The following CACNA1I variants were observed in gnomAD, a reference collection of about 807,000 sequenced individuals.
The protein encoded by CACNA1I is voltage-dependent T-type calcium channel subunit alpha-1I.
A neutral mutation model predicts 201.6 loss-of-function variants in CACNA1I; 74 were observed. The observed-to-expected ratio is 0.37, with a 90% CI of 0.30 to 0.45. The LOEUF is 0.45. CACNA1I is among the 20% of genes least tolerant of loss of function. CACNA1I has a pLI of 1.00. For missense variants in CACNA1I, 2,346 were observed against 3,138.1 expected (o/e 0.75, Z 6.03); for synonymous variants, 1,431 against 1,345.2 (o/e 1.06, Z -1.40).
intron 34 of CACNA1I, among the ~76,000 whole-genome samples, chr22:39,681,256 C>T (rs1935695987): frequency 6.6e-6 from 1 of 152,244 alleles, no homozygotes; most frequent in Non-Finnish European, 1.5e-5. Context: ...GCCACAAGCC[C>T]AGCCAGCACT....
At chr22:39,600,701 C>A (rs767684249) in intron 3 of CACNA1I, 48 bp downstream of exon 3, 2 of 1,529,582 alleles carry the variant, frequency 1.3e-6, no homozygotes, top group Non-Finnish European at 1.7e-6. Flanking sequence ...GCACACCAGG[C>A]ATAATTGAGA....
intron 15 of CACNA1I, 115 bp downstream of exon 15, chr22:39,660,552 T>C: frequency 1.6e-6 from 1 of 628,706 alleles, no homozygotes; most frequent in South Asian, 2.3e-5. Context: ...GACTGCTACT[T>C]ATCTATGGTT....
At position 39,641,246 on chromosome 22, in the gene CACNA1I, G is replaced by A. The variant is rs550489371; in HGVS notation, c.1056+64G>A. The A allele has an allele frequency of 8.5e-6, 12 of 1,405,616 alleles. No homozygotes were observed. In the South Asian group the frequency reaches 8.8e-5, roughly 10 times the overall value. The allele number at this position is 1,405,616 out of a possible 1,614,324, so 87.1% of individuals were successfully genotyped here. A position where few individuals can be genotyped will look rare whatever the true frequency, so the allele number is the denominator to read the frequency against. The stretch of plus-strand genomic sequence containing the variant: ...GTGGGCAGCTCTGCCTGGTGGGCAG[G>A]GCTCTGTGCTAGGCATTTGCCAGCC... On this transcript the variant is annotated intron_variant, in intron 6 of 36. Transcript: ENST00000402142.
Position 39,685,977 on chromosome 22 carries a change from G to A in CACNA1I, c.6244G>A (p.Ala2082Thr). The change falls in exon 37 of 37, where the codon GCG (alanine) becomes ACG (threonine). Residue 2082 changes from alanine (A) to threonine (T), a missense_variant. This residue lies in a region of CACNA1I where 441 missense variants were observed against 555.6 expected (regional missense o/e 0.79). Transcript: ENST00000402142. This position sits in a 1 kb window ranked among gnomAD's most constrained non-coding sequence, Gnocchi z 5.0. ...RGLFSLRGLRAHQRSHSSGGS... is the reference protein window; with the variant it reads ...RGLFSLRGLRTHQRSHSSGGS... ...CCTCTTCAGCCTGCGGGGGCTGCGGGCGCATCAGCGCAGCCACAGCAGCGG... is the reference window on the plus strand; with the variant it reads ...CCTCTTCAGCCTGCGGGGGCTGCGGACGCATCAGCGCAGCCACAGCAGCGG... The A allele has an allele frequency of 8.0e-7, 1 of 1,251,826 alleles. No homozygotes were observed. Among genetic ancestry groups the A allele is most frequent in the Non-Finnish European group, 1.0e-6 (1 of 1,004,518 alleles). 77.5% of individuals were successfully genotyped at this position (1,251,826 alleles called of 1,614,324 possible). A position where few individuals can be genotyped will look rare whatever the true frequency, so the allele number is the denominator to read the frequency against.
intron 1 of CACNA1I, among the ~76,000 whole-genome samples, chr22:39,589,322 A>T (rs1932795798): frequency 6.6e-6 from 1 of 152,190 alleles, no homozygotes; most frequent in Admixed American, 6.5e-5. Context: ...GTATGCACCC[A>T]GGAGTGGCCC....
Position 39,664,792 on chromosome 22 carries a change from G to C in CACNA1I, c.3720G>C (p.Trp1240Cys). The C allele has an allele frequency of 1.2e-6, 2 of 1,612,900 alleles. No homozygotes were observed. The highest frequency in any genetic ancestry group is 1.7e-6 in the Non-Finnish European group (2 of 1,179,758). The change falls in exon 21 of 37, where the codon TGG becomes TGC. Residue 1240 changes from tryptophan (W) to cysteine (C), a missense_variant. By Grantham distance (215) the Trp-to-Cys change is radical. Around this residue, in one of 13 missense-constraint regions of CACNA1I, gnomAD observed 158 missense variants for 231.6 expected, o/e 0.68. Transcript: ENST00000402142. ...FGEQAYLRSS[W>C]NVLDGFLVFV... ...AGCAGGCGTACCTACGCAGCAGCTG[G>C]AACGTGCTGGATGGCTTTCTTGTCT...
intron 1 of CACNA1I, among the ~76,000 whole-genome samples, chr22:39,576,024 C>T (rs1318107671): frequency 6.6e-6 from 1 of 152,182 alleles, no homozygotes; most frequent in Non-Finnish European, 1.5e-5. Context: ...ATCTGCCCGC[C>T]TCGGCCTCCC....
Position 39,600,618 on chromosome 22 carries a change from A to G in CACNA1I, c.447A>G (p.Thr149=), listed in dbSNP as rs753045602. The change falls in exon 3 of 37, where the codon ACA becomes ACG. Residue 149 remains threonine (T), a synonymous_variant. Transcript: ENST00000402142. ...IFGKKCYLGD[T]WNRLDFFIVM... Reference sequence around the variant, plus strand: ...GCAAGAAGTGCTACCTCGGGGACACATGGAACCGCCTGGATTTCTTCATCG... The same window carrying G: ...GCAAGAAGTGCTACCTCGGGGACACGTGGAACCGCCTGGATTTCTTCATCG... The G allele has an allele frequency of 1.9e-6, 3 of 1,608,576 alleles. No individual in the cohort carries two copies. Among genetic ancestry groups the G allele is most frequent in the Admixed American group, 3.4e-5 (2 of 59,150 alleles).
At position 39,571,740 on chromosome 22, in the gene CACNA1I, C is replaced by G. The variant is rs1213421924; in HGVS notation, c.236+752C>G. ...TAAAATCCCAGCTTAAGCATCACCTCCTCAGGGAAGCCCTCTGGGATTCCT... is the reference window on the plus strand; with the variant it reads ...TAAAATCCCAGCTTAAGCATCACCTGCTCAGGGAAGCCCTCTGGGATTCCT... On this transcript the variant is annotated intron_variant, in intron 1 of 36. Coordinates refer to ENST00000402142, the MANE Select transcript of CACNA1I (RefSeq NM_021096.4). 2.0e-5 allele frequency among the ~76,000 whole-genome samples: 3 copies of G among 152,376 alleles called. No homozygotes were observed. The East Asian group carries it at 5.8e-4, about 29-fold the overall frequency.
chr22:39,618,279 GTGTGTGTGAC>G (rs368374763), intron 3 of CACNA1I, among the ~76,000 whole-genome samples: 26 of 39,012 alleles, frequency 6.7e-4, no homozygotes, highest in East Asian at 1.3e-3. Context: ...GTGTGTGACT[GTGTGTGTGAC>G]TGTGTGTGCA....
chr22:39,659,312 G>C lies in CACNA1I; in HGVS notation c.2331-121G>C. ...CCTCAGTGTTCATCTCTGTAAAATG[G>C]GACCAACGCTGCCCCGCCTCCCCCT... On this transcript the variant is annotated intron_variant, in intron 12 of 36. Coordinates refer to ENST00000402142, the MANE Select transcript of CACNA1I (RefSeq NM_021096.4). The surrounding 1 kb of genome is among the most constrained non-coding windows in gnomAD (Gnocchi z 4.3). 1 of 928,186 alleles carries C rather than the reference G, an allele frequency of 1.1e-6. No homozygotes were observed. Among genetic ancestry groups the C allele is most frequent in the Non-Finnish European group, 1.7e-6 (1 of 601,226 alleles). The allele number at this position is 928,186 out of a possible 1,614,324, so 57.5% of individuals were successfully genotyped here. A position where few individuals can be genotyped will look rare whatever the true frequency, so the allele number is the denominator to read the frequency against.
chr22:39,581,899 C>G (rs1241594291), intron 1 of CACNA1I, among the ~76,000 whole-genome samples: 1 of 152,202 alleles, frequency 6.6e-6, no homozygotes, highest in African/African-American at 2.4e-5. Context: ...CCTCTTCTTC[C>G]CCAAGTTCAA....
chr22:39,642,714 G>C, intron 6 of CACNA1I, 83 bp from the exon 7 acceptor site: 1 of 870,744 alleles, frequency 1.1e-6, no homozygotes, highest in Non-Finnish European at 1.9e-6. Context: ...GCACACAGTG[G>C]GGCCTCTGTC....
At chr22:39,636,800 C>G (rs866433827) in intron 5 of CACNA1I, among the ~76,000 whole-genome samples, 1 of 152,204 alleles carries the variant, frequency 6.6e-6, no homozygotes, top group Non-Finnish European at 1.5e-5. Context: ...CGGGCTCTCC[C>G]CAGCCGGGCT....
chr22:39,649,475 C>G lies in CACNA1I; in HGVS notation c.1568-26C>G, dbSNP rs751737278. The G allele has an allele frequency of 3.0e-5, 46 of 1,544,448 alleles. 1 individual carries two copies. In the South Asian group the frequency reaches 4.3e-4, roughly 14 times the overall value. ...ATTGGGCCTGGTGTGGGCAACGACT[C>G]TATGCCCCTCTCATTTGCTTTTCAG... On this transcript the variant is annotated intron_variant, in intron 9 of 36. Coordinates refer to ENST00000402142, the MANE Select transcript of CACNA1I (RefSeq NM_021096.4). The surrounding 1 kb of genome is among the most constrained non-coding windows in gnomAD (Gnocchi z 7.3).
rs1431436213 is a variant in CACNA1I, at chr22:39,648,970, C to G, written c.1568-531C>G. On this transcript the variant is annotated intron_variant, in intron 9 of 36. Coordinates refer to ENST00000402142, the MANE Select transcript of CACNA1I (RefSeq NM_021096.4). This position sits in a 1 kb window ranked among gnomAD's most constrained non-coding sequence, Gnocchi z 5.4. The stretch of plus-strand genomic sequence containing the variant: ...TCTGGAGTGAGGGTCTGCCCTTGCC[C>G]CAGGGCTCCATGCCTCCTCCCCTCC... Among the ~76,000 whole-genome samples, 1 of 152,130 alleles carries G rather than the reference C, an allele frequency of 6.6e-6. No individual in the cohort carries two copies. Among genetic ancestry groups the G allele is most frequent in the Non-Finnish European group, 1.5e-5 (1 of 68,014 alleles).
At chr22:39,604,807 G>T (rs1283750361) in intron 3 of CACNA1I, among the ~76,000 whole-genome samples, 1 of 151,708 alleles carries the variant, frequency 6.6e-6, no homozygotes, top group Non-Finnish European at 1.5e-5. Context: ...TGACCTCCTG[G>T]GTTCAAGTGA....
intron 16 of CACNA1I, 86 bp from the exon 17 acceptor site, chr22:39,661,879 C>CGGG (rs1027661805): frequency 2.4e-6 from 2 of 845,194 alleles, no homozygotes; most frequent in African/African-American, 3.7e-5. Context: ...AGAGCCACAG[C>CGGG]GGGGGTGCAG....
At chr22:39,661,926 T>C in intron 16 of CACNA1I, 39 bp from the exon 17 acceptor site, 2 of 1,348,728 alleles carry the variant, frequency 1.5e-6, no homozygotes, top group East Asian at 2.8e-5. Context: ...GCCGTGGGTG[T>C]GCCTGTGGGG....
Sources: allele counts gnomAD v4.1 joint callset (sites outside exome capture counted in the v4.1 genomes callset), GRCh38; gene constraint gnomAD v4.1.1; regional missense constraint gnomAD v4.1.1; non-coding constraint Gnocchi (gnomAD v3.1); transcripts MANE v1.5; gene names NCBI Gene and HGNC (gene_info 2026-07-23, HGNC 2026-07-21).